MPPED1: variants seen among roughly 807,000 people sequenced by gnomAD.
The protein encoded by MPPED1 is metallophosphoesterase domain containing 1, also known as metallophosphoesterase domain-containing protein 1.
MPPED1 carries 16 observed loss-of-function variants against 36.2 expected under a neutral mutation model. That is an observed-to-expected ratio of 0.44 (90% CI 0.30 to 0.67). MPPED1 has a LOEUF of 0.67. Ranked by LOEUF, MPPED1 falls within the 30% of genes least tolerant of loss-of-function variation. MPPED1 has a pLI of 0.10. For missense variants in MPPED1, 307 were observed against 453.4 expected (o/e 0.68, Z 2.93); for synonymous variants, 199 against 191.3 (o/e 1.04, Z -0.33).
In MPPED1 at chr22:43,440,914, T is replaced by C. The variant is rs909902284; in HGVS notation, c.406+5699T>C. Among the ~76,000 whole-genome samples, 9 of 152,188 alleles carry C rather than the reference T, an allele frequency of 5.9e-5. No individual in the cohort carries two copies. In the South Asian group the frequency reaches 6.2e-4, roughly 11 times the overall value. On this transcript the variant is annotated intron_variant, in intron 3 of 6. Coordinates refer to ENST00000443721, the MANE Select transcript of MPPED1 (RefSeq NM_001044370.2). ...GTGGCCTCCCTCTCCAGGGCCCTTT[T>C]CCATCTCCTCCTTTTGTTCCTCATT...
chr22:43,468,573 G>A (rs143631028), intron 3 of MPPED1, among the ~76,000 whole-genome samples: 2 of 152,132 alleles, frequency 1.3e-5, no homozygotes, highest in Non-Finnish European at 1.5e-5. Context: ...CCACTGTCTC[G>A]CTATGTAACC....
intron 1 of MPPED1, among the ~76,000 whole-genome samples, chr22:43,423,831 C>A (rs140283354): frequency 1.2e-4 from 19 of 152,302 alleles, no homozygotes; most frequent in Non-Finnish European, 2.1e-4. Flanking sequence ...CAAAAGGAAT[C>A]GTTGGAGGGT....
At chr22:43,430,655 T>C (rs1290214028) in intron 2 of MPPED1, among the ~76,000 whole-genome samples, 1 of 152,128 alleles carries the variant, frequency 6.6e-6, no homozygotes, top group African/African-American at 2.4e-5. Flanking sequence ...TGAGTTTGGC[T>C]CCAAGAAATA....
intron 3 of MPPED1, among the ~76,000 whole-genome samples, chr22:43,449,422 A>ACCCCCCCCCCCCCCCCCC (rs135045): frequency 3.3e-4 from 42 of 127,374 alleles, no homozygotes; most frequent in Admixed American, 6.6e-4. Flanking sequence ...GACAGTGCCA[A>ACCCCCCCCCCCCCCCCCC]CCCCCCCCGC....
chr22:43,413,894 G>A (rs1398587887), intron 1 of MPPED1, among the ~76,000 whole-genome samples: 1 of 152,120 alleles, frequency 6.6e-6, no homozygotes, highest in Non-Finnish European at 1.5e-5. Context: ...TTTATTTCTC[G>A]GCCCCAGGAA....
intron 3 of MPPED1, among the ~76,000 whole-genome samples, chr22:43,440,146 G>T (rs893516276): frequency 2.0e-5 from 3 of 152,374 alleles, no homozygotes; most frequent in Non-Finnish European, 2.9e-5. Flanking sequence ...CTGTCTGTCA[G>T]CTGGCCATGG....
At chr22:43,490,724 G>A (rs1434344760) in intron 4 of MPPED1, among the ~76,000 whole-genome samples, 2 of 152,252 alleles carry the variant, frequency 1.3e-5, no homozygotes, top group Non-Finnish European at 2.9e-5. Context: ...CACCAGAAAT[G>A]TGTTGCTTGT....
chr22:43,477,785 G>A (rs1931623606), intron 4 of MPPED1, among the ~76,000 whole-genome samples: 2 of 152,222 alleles, frequency 1.3e-5, no homozygotes, highest in Non-Finnish European at 2.9e-5. Flanking sequence ...GGTACTGGAG[G>A]CTGTTCAAAT....
At chr22:43,441,553 G>T (rs1057462472) in intron 3 of MPPED1, among the ~76,000 whole-genome samples, 10 of 152,180 alleles carry the variant, frequency 6.6e-5, no homozygotes, top group Non-Finnish European at 1.3e-4. Flanking sequence ...CACATGATGG[G>T]CCCATTAATT....
chr22:43,458,684 T>C (rs572655036), intron 3 of MPPED1, among the ~76,000 whole-genome samples: 8 of 152,354 alleles, frequency 5.3e-5, no homozygotes, highest in African/African-American at 1.9e-4. Flanking sequence ...CATTTCAGTC[T>C]GAAAAAGTCT....
At chr22:43,504,781 G>A (rs1932776705) in intron 6 of MPPED1, among the ~76,000 whole-genome samples, 2 of 150,898 alleles carry the variant, frequency 1.3e-5, no homozygotes, top group Non-Finnish European at 3.0e-5. Flanking sequence ...GATGGCATTG[G>A]TTATGATGAT....
At chr22:43,450,836 C>T (rs1367109555) in intron 3 of MPPED1, among the ~76,000 whole-genome samples, 1 of 152,112 alleles carries the variant, frequency 6.6e-6, no homozygotes. Context: ...AGACGATTCT[C>T]CTGCCTCAGC....
chr22:43,500,538 T>A (rs1333905601), intron 5 of MPPED1, among the ~76,000 whole-genome samples: 2 of 151,734 alleles, frequency 1.3e-5, no homozygotes, highest in Non-Finnish European at 2.9e-5. Context: ...TGTATCCTTA[T>A]GTGTGCCATG....
chr22:43,482,748 C>T (rs1328691146), intron 4 of MPPED1, among the ~76,000 whole-genome samples: 1 of 152,238 alleles, frequency 6.6e-6, no homozygotes. Context: ...GGTTTCTCTA[C>T]CGCCCACAGC....
At chr22:43,503,175 C>A (rs1002917241) in intron 6 of MPPED1, among the ~76,000 whole-genome samples, 3 of 152,170 alleles carry the variant, frequency 2.0e-5, no homozygotes, top group African/African-American at 7.2e-5. Context: ...GCCTGGCATA[C>A]AATAGGTGCT....
chr22:43,486,860 C>T (rs919118093), intron 4 of MPPED1, among the ~76,000 whole-genome samples: 9 of 152,116 alleles, frequency 5.9e-5, no homozygotes, highest in South Asian at 4.2e-4. Context: ...CGTAAGTCTC[C>T]GGTGCAGGTT....
rs1930715302 is a variant in MPPED1 at position 43,455,265 on chromosome 22, G to A, written c.407-19471G>A. On this transcript the variant is annotated intron_variant, in intron 3 of 6. Coordinates refer to ENST00000443721, the MANE Select transcript of MPPED1 (RefSeq NM_001044370.2). ...GCTGGGATTACAGGTGCCCACTACC[G>A]TGCCCAGCTAATATTTGTATTTTTA... 2.6e-5 allele frequency among the ~76,000 whole-genome samples: 4 copies of A among 151,610 alleles called. No homozygotes were observed. The South Asian group carries it at 6.3e-4, about 24-fold the overall frequency.
chr22:43,424,058 G>C (rs991609305), intron 1 of MPPED1, among the ~76,000 whole-genome samples: 8 of 152,124 alleles, frequency 5.3e-5, no homozygotes, highest in African/African-American at 1.9e-4. Flanking sequence ...AGGTGGGGTC[G>C]GTTGGAGGGA....
chr22:43,488,144 A>G (rs1188136823), intron 4 of MPPED1, among the ~76,000 whole-genome samples: 1 of 152,010 alleles, frequency 6.6e-6, no homozygotes, highest in African/African-American at 2.4e-5. Context: ...TGGGCACTGC[A>G]TCTGTGTGGG....
Sources: allele counts gnomAD v4.1 joint callset (sites outside exome capture counted in the v4.1 genomes callset), GRCh38; gene constraint gnomAD v4.1.1; transcripts MANE v1.5; gene names NCBI Gene and HGNC (gene_info 2026-07-23, HGNC 2026-07-21).